The following ZFAND3 variants were observed in gnomAD, a reference collection of about 807,000 sequenced individuals.
ZFAND3 encodes the protein AN1-type zinc finger protein 3.
Under a neutral mutation model 29.6 loss-of-function variants are expected in ZFAND3, and 10 were observed. The observed-to-expected ratio is 0.34, with a 90% confidence interval of 0.21 to 0.57. The LOEUF (loss-of-function observed/expected upper bound fraction) is 0.57. Among genes scored for constraint, ZFAND3 ranks in the 20% least tolerant of loss-of-function variants. ZFAND3 has a pLI of 0.86. For missense variants in ZFAND3, 230 were observed against 304.5 expected (o/e 0.76, Z 1.82); for synonymous variants, 128 against 112.6 (o/e 1.14, Z -0.87).
chr6:37,917,040 A>G (rs563115254), intron 1 of ZFAND3, among the ~76,000 whole-genome samples: 10 of 152,356 alleles, frequency 6.6e-5, no homozygotes, highest in Non-Finnish European at 1.2e-4. Context: ...AAACATAGTG[A>G]TGCTGACATA....
chr6:37,823,935 G>C (rs1195872074), intron 1 of ZFAND3, among the ~76,000 whole-genome samples: 1 of 152,064 alleles, frequency 6.6e-6, no homozygotes, highest in Non-Finnish European at 1.5e-5. Context: ...GGGATTACAG[G>C]CACGTGCCAC....
chr6:37,972,873 A>G (rs993956208), intron 2 of ZFAND3, among the ~76,000 whole-genome samples: 4 of 152,170 alleles, frequency 2.6e-5, no homozygotes, highest in African/African-American at 9.7e-5. Context: ...GAAGTCAATA[A>G]TATATGGCTT....
At chr6:37,895,131 A>G (rs1210099947) in intron 1 of ZFAND3, among the ~76,000 whole-genome samples, 1 of 152,094 alleles carries the variant, frequency 6.6e-6, no homozygotes, top group East Asian at 1.9e-4. Context: ...GACTTCAGTT[A>G]TACATATATT....
intron 5 of ZFAND3, among the ~76,000 whole-genome samples, chr6:38,149,138 C>G (rs1314683038): frequency 6.6e-6 from 1 of 151,960 alleles, no homozygotes; most frequent in Admixed American, 6.5e-5. Context: ...TTAGAGGGTG[C>G]CTTCTAATCC....
At chr6:37,987,823 GGTTT>G (rs1299225184) in intron 2 of ZFAND3, among the ~76,000 whole-genome samples, 2 of 152,172 alleles carry the variant, frequency 1.3e-5, no homozygotes, top group African/African-American at 2.4e-5. Flanking sequence ...CCTCGGTCAT[GGTTT>G]GTTTGGTCTC....
chr6:37,845,556 A>G (rs1325559690), intron 1 of ZFAND3, among the ~76,000 whole-genome samples: 5 of 152,216 alleles, frequency 3.3e-5, no homozygotes, highest in Admixed American at 2.6e-4. Context: ...TAATCTTCCA[A>G]GAACTAACTT....
At chr6:38,061,952 T>C (rs1376962799) in intron 3 of ZFAND3, among the ~76,000 whole-genome samples, 177 bp downstream of exon 3, 4 of 152,218 alleles carry the variant, frequency 2.6e-5, no homozygotes, top group Admixed American at 2.6e-4. Context: ...CCTGAAGAAA[T>C]AGCCTTTTAT....
chr6:37,839,639 C>T (rs560104450), intron 1 of ZFAND3, among the ~76,000 whole-genome samples: 1 of 151,608 alleles, frequency 6.6e-6, no homozygotes. Context: ...CTCAGCCTCC[C>T]GAGTAGCTGG....
At chr6:38,041,567 C>T (rs773576506) in intron 2 of ZFAND3, among the ~76,000 whole-genome samples, 17 of 151,270 alleles carry the variant, frequency 1.1e-4, no homozygotes, top group Non-Finnish European at 1.5e-4. Flanking sequence ...CCAGATTTGG[C>T]TCCTGGGCAT....
intron 5 of ZFAND3, among the ~76,000 whole-genome samples, chr6:38,116,994 C>T (rs1002229829): frequency 6.6e-6 from 1 of 152,204 alleles, no homozygotes; most frequent in Non-Finnish European, 1.5e-5. Context: ...CTTAGAGCTA[C>T]ATCTCACTGC....
chr6:38,057,489 A>AT (rs1490978724), intron 2 of ZFAND3, among the ~76,000 whole-genome samples: 2 of 152,094 alleles, frequency 1.3e-5, no homozygotes, highest in African/African-American at 4.8e-5. Context: ...TAATTCTGTC[A>AT]TTTGTTAAGT....
chr6:37,896,088 T>C (rs1765198111), intron 1 of ZFAND3, among the ~76,000 whole-genome samples: 1 of 152,240 alleles, frequency 6.6e-6, no homozygotes, highest in Non-Finnish European at 1.5e-5. Flanking sequence ...TGGTTATGGT[T>C]ATACTGATTT....
At chr6:37,975,604 A>G (rs1204102260) in intron 2 of ZFAND3, among the ~76,000 whole-genome samples, 1 of 152,124 alleles carries the variant, frequency 6.6e-6, no homozygotes, top group Admixed American at 6.5e-5. Context: ...GGAGGTATAC[A>G]TCTGAGTTTA....
At chr6:38,109,207 G>C (rs1223378376) in intron 4 of ZFAND3, among the ~76,000 whole-genome samples, 1 of 141,260 alleles carries the variant, frequency 7.1e-6, no homozygotes, top group East Asian at 2.1e-4. Flanking sequence ...TCTTGAGACA[G>C]AGTCTTGCTC....
At chr6:38,124,787 G>C (rs553336448) in intron 5 of ZFAND3, among the ~76,000 whole-genome samples, 4 of 152,374 alleles carry the variant, frequency 2.6e-5, no homozygotes, top group African/African-American at 9.6e-5. Context: ...GCGGGCTGAA[G>C]GGCTCCCTGA....
intron 2 of ZFAND3, among the ~76,000 whole-genome samples, chr6:37,947,152 T>C (rs1761918174): frequency 6.6e-6 from 1 of 152,198 alleles, no homozygotes; most frequent in African/African-American, 2.4e-5. Context: ...CCAAAATCTT[T>C]CTTTGTTCAA....
chr6:38,047,017 C>A (rs1414905965), intron 2 of ZFAND3, among the ~76,000 whole-genome samples: 8 of 151,832 alleles, frequency 5.3e-5, no homozygotes, highest in African/African-American at 1.9e-4. Context: ...TTAGTAATGG[C>A]TATATGTTTG....
chr6:38,056,102 G>A (rs1764129815), intron 2 of ZFAND3, among the ~76,000 whole-genome samples: 1 of 152,190 alleles, frequency 6.6e-6, no homozygotes, highest in African/African-American at 2.4e-5. Flanking sequence ...TCTCTTACCA[G>A]TTGATATACT....
intron 2 of ZFAND3, among the ~76,000 whole-genome samples, chr6:37,955,284 C>G (rs1023588260): frequency 1.3e-5 from 2 of 152,210 alleles, no homozygotes; most frequent in African/African-American, 4.8e-5. Flanking sequence ...TCCATCTTAG[C>G]TAGAAGTGGA....
Sources: gnomAD v4.1 joint callset for allele counts (sites outside exome capture counted in the v4.1 genomes callset) on GRCh38, gnomAD v4.1.1 for gene constraint, MANE v1.5 for transcripts, NCBI Gene and HGNC (gene_info 2026-07-23, HGNC 2026-07-21) for gene names.